RABGAP1L: variants seen among roughly 807,000 people sequenced by gnomAD.
The protein encoded by RABGAP1L is RAB GTPase activating protein 1 like.
Under a neutral mutation model 137.7 loss-of-function variants are expected in RABGAP1L, and 63 were observed. The ratio of observed to expected loss-of-function variants is 0.46; its 90% CI spans 0.37 to 0.56. The LOEUF (loss-of-function observed/expected upper bound fraction) is 0.56. Ranked by LOEUF, RABGAP1L falls within the 20% of genes least tolerant of loss-of-function variation. The pLI is 0.00. For missense variants in RABGAP1L, 1,095 were observed against 1,244.0 expected (o/e 0.88, Z 1.80); for synonymous variants, 431 against 433.7 (o/e 0.99, Z 0.08).
chr1:174,611,911 C>A (rs1407601636), intron 13 of RABGAP1L, among the ~76,000 whole-genome samples: 1 of 152,132 alleles, frequency 6.6e-6, no homozygotes, highest in Admixed American at 6.5e-5. Context: ...GATTTTGTTT[C>A]CTGAGACTTT....
intron 13 of RABGAP1L, among the ~76,000 whole-genome samples, chr1:174,557,566 A>G (rs1033625910): frequency 6.6e-6 from 1 of 152,212 alleles, no homozygotes; most frequent in Non-Finnish European, 1.5e-5. Flanking sequence ...CTTAGATCAT[A>G]TCAGAGACTG....
chr1:174,366,463 A>G (rs1253498455), intron 11 of RABGAP1L, among the ~76,000 whole-genome samples: 1 of 152,014 alleles, frequency 6.6e-6, no homozygotes, highest in Non-Finnish European at 1.5e-5. Flanking sequence ...CTGCAACCAC[A>G]TTTCTTGTTA....
intron 14 of RABGAP1L, among the ~76,000 whole-genome samples, chr1:174,646,757 G>A (rs1426529984): frequency 6.6e-6 from 1 of 152,136 alleles, no homozygotes; most frequent in Non-Finnish European, 1.5e-5. Context: ...GAGTGTCAGT[G>A]GTAGCTTGAT....
intron 19 of RABGAP1L, among the ~76,000 whole-genome samples, chr1:174,950,458 T>A (rs904167299): frequency 3.3e-5 from 5 of 152,176 alleles, no homozygotes; most frequent in Admixed American, 3.3e-4. Context: ...GTGAAGCCTA[T>A]AGGGCGTGTT....
intron 13 of RABGAP1L, among the ~76,000 whole-genome samples, chr1:174,628,176 C>T (rs1673061478): frequency 6.6e-6 from 1 of 152,152 alleles, no homozygotes; most frequent in Admixed American, 6.5e-5. Flanking sequence ...TAGTTGTTCA[C>T]TGTTGCTTTT....
chr1:174,444,916 A>G (rs1571844717), intron 13 of RABGAP1L, among the ~76,000 whole-genome samples: 2 of 151,944 alleles, frequency 1.3e-5, no homozygotes, highest in East Asian at 3.9e-4. Flanking sequence ...TATGTTTTTT[A>G]GGACTTTTAA....
chr1:174,297,596 G>A (rs1416574062), intron 10 of RABGAP1L, among the ~76,000 whole-genome samples: 1 of 152,096 alleles, frequency 6.6e-6, no homozygotes. Context: ...TTAAGGATAA[G>A]GACTAAGACC....
chr1:174,351,833 G>T (rs1337823280), intron 11 of RABGAP1L, among the ~76,000 whole-genome samples: 1 of 151,736 alleles, frequency 6.6e-6, no homozygotes, highest in Non-Finnish European at 1.5e-5. Context: ...ATGGAGTCTT[G>T]CTCTGTGGCC....
chr1:174,484,494 A>G (rs1659440036), intron 13 of RABGAP1L, among the ~76,000 whole-genome samples: 1 of 152,204 alleles, frequency 6.6e-6, no homozygotes, highest in Non-Finnish European at 1.5e-5. Flanking sequence ...AATGTCCTTA[A>G]AAGTTTCCCC....
At chr1:174,335,765 C>G (rs2148876953) in intron 11 of RABGAP1L, among the ~76,000 whole-genome samples, 1 of 152,262 alleles carries the variant, frequency 6.6e-6, no homozygotes, top group Non-Finnish European at 1.5e-5. Context: ...TTGTGCTATC[C>G]TAAAGGCTCA....
chr1:174,642,779 C>T (rs1334673237), intron 14 of RABGAP1L, among the ~76,000 whole-genome samples: 2 of 137,658 alleles, frequency 1.5e-5, no homozygotes, highest in Non-Finnish European at 3.1e-5. Context: ...CTCTCCCCCT[C>T]TCCTCTCCTC....
At chr1:174,624,354 A>G (rs1479963795) in intron 13 of RABGAP1L, among the ~76,000 whole-genome samples, 1 of 152,196 alleles carries the variant, frequency 6.6e-6, no homozygotes, top group Non-Finnish European at 1.5e-5. Context: ...GTTAGCATAT[A>G]TTTCTTTCCA....
chr1:174,814,689 T>C (rs1690206416), intron 19 of RABGAP1L, among the ~76,000 whole-genome samples: 1 of 152,030 alleles, frequency 6.6e-6, no homozygotes, highest in South Asian at 2.1e-4. Flanking sequence ...TGTTCTATTG[T>C]ATTGTATTTC....
chr1:174,181,340 C>CTT (rs1179097330), intron 1 of RABGAP1L, among the ~76,000 whole-genome samples: 7 of 138,926 alleles, frequency 5.0e-5, no homozygotes, highest in African/African-American at 1.1e-4. Context: ...TTCTTTTTTT[C>CTT]TTTTTTTTTT....
At chr1:174,215,255 G>A (rs952572447) in intron 1 of RABGAP1L, among the ~76,000 whole-genome samples, 14 of 151,930 alleles carry the variant, frequency 9.2e-5, no homozygotes, top group African/African-American at 2.7e-4. Flanking sequence ...TCAGGAGTTC[G>A]AGCCCAGCCT....
chr1:174,280,876 G>C (rs1675466016), intron 10 of RABGAP1L, among the ~76,000 whole-genome samples: 1 of 152,192 alleles, frequency 6.6e-6, no homozygotes, highest in Non-Finnish European at 1.5e-5. Context: ...TAAAGATGGT[G>C]TGTCCAGAGT....
chr1:174,803,192 A>G (rs1351692964), intron 18 of RABGAP1L, among the ~76,000 whole-genome samples: 3 of 152,148 alleles, frequency 2.0e-5, no homozygotes, highest in Non-Finnish European at 4.4e-5. Context: ...TCGTCAAACT[A>G]CTAGAACTCT....
intron 12 of RABGAP1L, among the ~76,000 whole-genome samples, chr1:174,393,368 G>T (rs1571589481): frequency 6.6e-6 from 1 of 152,200 alleles, no homozygotes; most frequent in East Asian, 1.9e-4. Context: ...CTAAGTTTAT[G>T]CTTGAACAAA....
intron 13 of RABGAP1L, among the ~76,000 whole-genome samples, chr1:174,604,821 TG>T (rs1286135709): frequency 1.9e-4 from 29 of 152,094 alleles, no homozygotes; most frequent in African/African-American, 6.8e-4. Context: ...GACTGTAAGG[TG>T]GATGCTTAAT....
Sources: allele counts gnomAD v4.1 joint callset (sites outside exome capture counted in the v4.1 genomes callset), GRCh38; gene constraint gnomAD v4.1.1; transcripts MANE v1.5; gene names NCBI Gene and HGNC (gene_info 2026-07-23, HGNC 2026-07-21).